The following TMC1 variants were observed in gnomAD, a reference collection of about 807,000 sequenced individuals.
TMC1 encodes the protein transmembrane channel-like protein 1.
Under a neutral mutation model 105.8 loss-of-function variants are expected in TMC1, and 84 were observed. That is an observed-to-expected ratio of 0.79 (90% CI 0.67 to 0.95). The LOEUF is 0.95. Ranked by LOEUF, TMC1 falls within the 40% of genes least tolerant of loss-of-function variation. The pLI is 0.00. For missense variants in TMC1, 817 were observed against 914.1 expected (o/e 0.89, Z 1.37); for synonymous variants, 315 against 311.5 (o/e 1.01, Z -0.12).
chr9:72,700,676 T>G (rs776268340), intron 8 of TMC1, 33 bp downstream of exon 8: 23 of 1,472,350 alleles, frequency 1.6e-5, no homozygotes, highest in Non-Finnish European at 2.1e-5. Flanking sequence ...TAGAAACACT[T>G]TCCCTGATAT....
intron 18 of TMC1, among the ~76,000 whole-genome samples, chr9:72,807,206 C>T (rs1227772038): frequency 2.0e-5 from 3 of 152,182 alleles, no homozygotes; most frequent in Admixed American, 6.5e-5. Context: ...GGCAGCAGTA[C>T]AGTCCAGCTT....
chr9:72,567,795 G>T (rs563093966), intron 1 of TMC1, among the ~76,000 whole-genome samples: 1 of 152,182 alleles, frequency 6.6e-6, no homozygotes, highest in Non-Finnish European at 1.5e-5. Context: ...TCCAGCTGAA[G>T]ACAGCTAAGG....
intron 3 of TMC1, among the ~76,000 whole-genome samples, chr9:72,626,305 G>A (rs919992946): frequency 5.3e-5 from 8 of 152,154 alleles, no homozygotes; most frequent in African/African-American, 1.9e-4. Flanking sequence ...TAATGTCATT[G>A]ATACAGGTGT....
chr9:72,740,584 A>G (rs1198816785), intron 9 of TMC1, among the ~76,000 whole-genome samples: 1 of 152,162 alleles, frequency 6.6e-6, no homozygotes, highest in Non-Finnish European at 1.5e-5. Context: ...AACATCAACT[A>G]TACATTGGAC....
chr9:72,806,168 G>T (rs867374569), intron 18 of TMC1, among the ~76,000 whole-genome samples: 4 of 150,150 alleles, frequency 2.7e-5, no homozygotes, highest in Admixed American at 6.6e-5. Context: ...CTGGCCGGGC[G>T]GGGGGCTGAC....
chr9:72,754,717 T>G, intron 11 of TMC1, 69 bp from the exon 12 acceptor site: 1 of 1,249,730 alleles, frequency 8.0e-7, no homozygotes, highest in Non-Finnish European at 1.2e-6. Context: ...AACAAAACCA[T>G]TTGTGATCAC....
chr9:72,816,083 T>G (rs777065896), intron 18 of TMC1, 60 bp from the exon 19 acceptor site: 124 of 1,502,970 alleles, frequency 8.3e-5, no homozygotes, highest in Non-Finnish European at 1.1e-4. Context: ...TGCAGAACAA[T>G]TTGCCTTTCA....
chr9:72,752,010 A>T (rs1827588201), intron 11 of TMC1, 54 bp downstream of exon 11: 1 of 1,128,290 alleles, frequency 8.9e-7, no homozygotes, highest in Non-Finnish European at 1.4e-6. Context: ...TCTCCTAGAA[A>T]AGTATTTATC....
intron 3 of TMC1, among the ~76,000 whole-genome samples, chr9:72,619,425 T>C (rs1487057702): frequency 6.6e-6 from 1 of 152,094 alleles, no homozygotes; most frequent in Non-Finnish European, 1.5e-5. Flanking sequence ...ACACAACAAG[T>C]CATAAAATAT....
In TMC1 at chr9:72,788,438, T is replaced by C. The variant is rs781353378; in HGVS notation, c.984T>C (p.Pro328=). Residue 328 remains proline (P), a synonymous_variant, in exon 14 of 24, where the codon CCT becomes CCC. Transcript: ENST00000297784. ...GCTGGGACTACCTGATCGGCAATCCTGAAACAGCAGACAACAAATTTAATT... is the reference window on the plus strand; with the variant it reads ...GCTGGGACTACCTGATCGGCAATCCCGAAACAGCAGACAACAAATTTAATT... The part of the protein sequence containing the change: ...FTSWDYLIGN[P]ETADNKFNSI... 1.9e-6 allele frequency: 3 copies of C among 1,613,902 alleles called. No individual in the cohort carries two copies. In the African/African-American group the frequency reaches 4.0e-5, roughly 22 times the overall value.
At chr9:72,682,320 C>G (rs1308584427) in intron 5 of TMC1, among the ~76,000 whole-genome samples, 1 of 152,120 alleles carries the variant, frequency 6.6e-6, no homozygotes, top group African/African-American at 2.4e-5. Flanking sequence ...AATCTTATCC[C>G]CAGATACTTT....
At position 72,805,516 on chromosome 9, in the gene TMC1, T is replaced by A; in HGVS notation, c.1695+6T>A. Reference sequence around the variant, plus strand: ...GGGACTTGGAGTATGGATATGTAAGTATGATGTTAATTTTGCTTTTTTTTT... The same window carrying A: ...GGGACTTGGAGTATGGATATGTAAGAATGATGTTAATTTTGCTTTTTTTTT... On this transcript the variant is annotated splice_donor_region_variant and intron_variant, in intron 18 of 23. Coordinates refer to ENST00000297784, the MANE Select transcript of TMC1 (RefSeq NM_138691.3). The A allele has an allele frequency of 6.3e-7, 1 of 1,597,858 alleles. No homozygotes were observed. The highest frequency in any genetic ancestry group is 8.5e-7 in the Non-Finnish European group (1 of 1,174,336).
At chr9:72,755,503 G>A (rs183475975) in intron 12 of TMC1, among the ~76,000 whole-genome samples, 78 of 152,226 alleles carry the variant, frequency 5.1e-4, no homozygotes, top group Middle Eastern at 3.4e-3. Context: ...GTATTCAAAT[G>A]AGCATTACTC....
At chr9:72,750,553 C>G (rs919586341) in intron 10 of TMC1, among the ~76,000 whole-genome samples, 2 of 149,806 alleles carry the variant, frequency 1.3e-5, no homozygotes, top group African/African-American at 5.0e-5. Flanking sequence ...CTTTTTTTTT[C>G]TCTCTCTCCC....
chr9:72,752,537 A>C (rs1246737839), intron 11 of TMC1, among the ~76,000 whole-genome samples: 1 of 152,136 alleles, frequency 6.6e-6, no homozygotes, highest in Non-Finnish European at 1.5e-5. Flanking sequence ...ACTAAAACAC[A>C]TAGAGGGTCC....
At chr9:72,819,749 C>A (rs1019732119) in intron 19 of TMC1, among the ~76,000 whole-genome samples, 2 of 152,118 alleles carry the variant, frequency 1.3e-5, no homozygotes, top group African/African-American at 4.8e-5. Context: ...GGCTAAACAA[C>A]TATTCAGGGA....
chr9:72,636,116 C>T (rs1487328438), intron 4 of TMC1, among the ~76,000 whole-genome samples: 1 of 152,090 alleles, frequency 6.6e-6, no homozygotes, highest in Non-Finnish European at 1.5e-5. Context: ...AACTTCTACC[C>T]GGGTGGGTAG....
Position 72,694,672 on chromosome 9 carries a change from A to G in TMC1, c.194A>G (p.Lys65Arg). 6.2e-7 allele frequency: 1 copy of G among 1,612,220 alleles called. No homozygotes were observed. The highest frequency in any genetic ancestry group is 8.5e-7 in the Non-Finnish European group (1 of 1,179,020). ...GAACCAGAGGATGAAGAAACAAGGA[A>G]GGCAAGAGAAAAAGAGAGGAGGAGG... ...EPEPEDEETRKAREKERRRRL... is the reference protein window; with the variant it reads ...EPEPEDEETRRAREKERRRRL... The change falls in exon 7 of 24, where the codon AAG (lysine) becomes AGG (arginine). Residue 65 changes from lysine to arginine, a missense_variant. Lys to Arg is a conservative substitution (Grantham distance 26). Coordinates refer to ENST00000297784, the MANE Select transcript of TMC1 (RefSeq NM_138691.3).
intron 1 of TMC1, among the ~76,000 whole-genome samples, chr9:72,550,226 G>C (rs1368124984): frequency 1.3e-5 from 2 of 151,964 alleles, no homozygotes; most frequent in African/African-American, 4.8e-5. Flanking sequence ...CCAGCACTTT[G>C]GGAAGCCGAG....
Sources: allele counts gnomAD v4.1 joint callset (sites outside exome capture counted in the v4.1 genomes callset), GRCh38; gene constraint gnomAD v4.1.1; transcripts MANE v1.5; gene names NCBI Gene and HGNC (gene_info 2026-07-23, HGNC 2026-07-21).